Variants in TACO1 observed in about 807,000 individuals in gnomAD.
TACO1 encodes the protein translational activator of cytochrome c oxidase I.
In TACO1, 13 loss-of-function variants were observed where a neutral mutation model predicts 24.0. The ratio of observed to expected loss-of-function variants is 0.54; its 90% confidence interval spans 0.35 to 0.86. TACO1 has a LOEUF of 0.86. Ranked by LOEUF, TACO1 falls within the 40% of genes least tolerant of loss-of-function variation. The pLI is 0.01. For missense variants in TACO1, 352 were observed against 380.1 expected, an observed-to-expected ratio of 0.93 and a Z score of 0.61; for synonymous variants, 149 against 153.5, an observed-to-expected ratio of 0.97 and a Z score of 0.22.
chr17:63,602,164 G>A (rs1200555805), intron 1 of TACO1, among the ~76,000 whole-genome samples: 5 of 148,116 alleles, frequency 3.4e-5, no homozygotes, highest in Admixed American at 6.8e-5. Context: ...GGAGGCTGAA[G>A]CAGGAGAATT....
chr17:63,602,262 C>CAA (rs897099348), intron 1 of TACO1, among the ~76,000 whole-genome samples: 1,570 of 60,192 alleles, frequency 0.026, 23 homozygotes, highest in Non-Finnish European at 0.039. Context: ...GACTCCATCT[C>CAA]AAAAAAAAAA....
At chr17:63,602,276 A>G (rs994104584) in intron 1 of TACO1, among the ~76,000 whole-genome samples, 2 of 150,648 alleles carry the variant, frequency 1.3e-5, no homozygotes, top group African/African-American at 2.5e-5. Flanking sequence ...AAAAAAAAAA[A>G]AAAAAGAGAG....
rs778607659 is a variant in TACO1 at position 63,608,027 on chromosome 17, C to T, written c.*25C>T. On this transcript the variant is annotated 3_prime_UTR_variant, in exon 5 of 5. Coordinates refer to ENST00000258975, the MANE Select transcript of TACO1 (RefSeq NM_016360.4). Reference sequence around the variant, plus strand: ...ACCAGGCTACATGTGCCCCCGGGTTCCTTCCTAGAAATGTGGCAGCCCATT... The same window carrying T: ...ACCAGGCTACATGTGCCCCCGGGTTTCTTCCTAGAAATGTGGCAGCCCATT... 6.2e-7 allele frequency: 1 copy of T among 1,612,604 alleles called. No homozygotes were observed. The highest frequency in any genetic ancestry group is 1.1e-5 in the South Asian group (1 of 91,002).
At chr17:63,602,278 AAAAG>A (rs2033828146) in intron 1 of TACO1, among the ~76,000 whole-genome samples, 2 of 150,672 alleles carry the variant, frequency 1.3e-5, no homozygotes, top group Non-Finnish European at 2.9e-5. Flanking sequence ...AAAAAAAAAA[AAAAG>A]AGAGAGAAAC....
intron 1 of TACO1, among the ~76,000 whole-genome samples, chr17:63,603,689 A>T (rs1361604347): frequency 6.7e-6 from 1 of 149,576 alleles, no homozygotes; most frequent in Non-Finnish European, 1.5e-5. Context: ...GCACTCCAGC[A>T]TGGATGACAG....
In TACO1 at chr17:63,608,027, C is replaced by G; in HGVS notation, c.*25C>G. On this transcript the variant is annotated 3_prime_UTR_variant, in exon 5 of 5. Coordinates refer to ENST00000258975, the MANE Select transcript of TACO1 (RefSeq NM_016360.4). ...ACCAGGCTACATGTGCCCCCGGGTT[C>G]CTTCCTAGAAATGTGGCAGCCCATT... 6.2e-7 allele frequency: 1 copy of G among 1,612,604 alleles called. No individual in the cohort carries two copies. Among genetic ancestry groups the G allele is most frequent in the Non-Finnish European group, 8.5e-7 (1 of 1,179,300 alleles).
In TACO1 at chr17:63,601,350, C is replaced by T; in HGVS notation, c.267C>T (p.Arg89=). 1 of 1,612,818 alleles carries T rather than the reference C, an allele frequency of 6.2e-7. No homozygotes were observed. Among genetic ancestry groups the T allele is most frequent in the Non-Finnish European group, 8.5e-7 (1 of 1,179,978 alleles). ...TCTCCAAACTCTGTTTGAACATCCGCCTGGCAGTGAAAGGTGAGACCCTGA... is the reference window on the plus strand; with the variant it reads ...TCTCCAAACTCTGTTTGAACATCCGTCTGGCAGTGAAAGGTGAGACCCTGA... ...RIFSKLCLNI[R]LAVKEGGPNP... The change falls in exon 1 of 5, where the codon CGC becomes CGT. Residue 89 remains arginine (R), a synonymous_variant. Coordinates refer to ENST00000258975, the MANE Select transcript of TACO1 (RefSeq NM_016360.4).
intron 3 of TACO1, 162 bp downstream of exon 3, chr17:63,606,602 A>T (rs1332697461): frequency 1.2e-6 from 1 of 832,048 alleles, no homozygotes; most frequent in Non-Finnish European, 1.9e-6. Context: ...CTGGAGTGCA[A>T]TGGCATGATC....
intron 1 of TACO1, 148 bp downstream of exon 1, chr17:63,601,511 A>T: frequency 1.1e-6 from 1 of 894,208 alleles, no homozygotes; most frequent in South Asian, 1.5e-5. Context: ...CACCTCATAA[A>T]TCCTCAAAAC....
chr17:63,601,297 C>T lies in TACO1; in HGVS notation c.214C>T (p.Pro72Ser). ...GTCCAAAGTCAGGCACATCAAGGGT[C>T]CGAAGGACGTCGAAAGGAGTCGCAT... ...KWSKVRHIKG[P>S]KDVERSRIFS... Residue 72 changes from proline to serine, a missense_variant, in exon 1 of 5, where the codon CCG becomes TCG. By Grantham distance (74) the Pro-to-Ser change is moderately conservative. Transcript: ENST00000258975. 3 of 1,613,014 alleles carry T rather than the reference C, an allele frequency of 1.9e-6. No individual in the cohort carries two copies. Among genetic ancestry groups the T allele is most frequent in the South Asian group, 1.1e-5 (1 of 90,998 alleles).
intron 1 of TACO1, among the ~76,000 whole-genome samples, chr17:63,602,210 G>T (rs1413868013): frequency 6.9e-6 from 1 of 144,804 alleles, no homozygotes; most frequent in East Asian, 2.1e-4. Flanking sequence ...CAGTAAGCGA[G>T]ATTGCTCTAC....
Position 63,608,081 on chromosome 17 carries a change from T to G in TACO1, c.*79T>G, listed in dbSNP as rs1242217138. 6.5e-7 allele frequency: 1 copy of G among 1,529,054 alleles called. No individual in the cohort carries two copies. The highest frequency in any genetic ancestry group is 9.0e-7 in the Non-Finnish European group (1 of 1,114,316). The allele number at this position is 1,529,054 out of a possible 1,614,324, so 94.7% of individuals were successfully genotyped here. A position where few individuals can be genotyped will look rare whatever the true frequency, so the allele number is the denominator to read the frequency against. ...GCACACAGGCTTCTGCAGCAATCTC[T>G]GAGGGTAAAGCCGGTGGGAGGCTCA... On this transcript the variant is annotated 3_prime_UTR_variant, in exon 5 of 5. Coordinates refer to ENST00000258975, the MANE Select transcript of TACO1 (RefSeq NM_016360.4).
chr17:63,604,084 T>A (rs922422169), intron 1 of TACO1, among the ~76,000 whole-genome samples: 1 of 151,656 alleles, frequency 6.6e-6, no homozygotes, highest in African/African-American at 2.4e-5. Context: ...ACACTTGTAA[T>A]CCCAGCACTT....
Position 63,607,309 on chromosome 17 carries a change from C to T in TACO1, c.538C>T (p.Arg180Cys), listed in dbSNP as rs146609062. The T allele has an allele frequency of 6.1e-5, 99 of 1,613,864 alleles. No homozygotes were observed. In the Admixed American group the frequency reaches 1.3e-3, roughly 21 times the overall value. Residue 180 changes from arginine (R) to cysteine (C), a missense_variant, in exon 4 of 5, where the codon CGT becomes TGT. Arg to Cys is a radical substitution (Grantham distance 180). Transcript: ENST00000258975. ...CAGAGGAGTGATGGCTGTAGGAGCT[C>T]GTCACTCTTTTGACAAAAAGGGGGT... ...KNGGVMAVGA[R>C]HSFDKKGVIV...
rs1474176273 is a variant in TACO1 at position 63,608,225 on chromosome 17, C to G, written c.*223C>G. ...AGCCATCTGGATGAGTGTCCCGACA[C>G]CCTCTCGGATGCAGGGCAGGACCAC... is the stretch of plus-strand genomic sequence containing the variant. On this transcript the variant is annotated 3_prime_UTR_variant, in exon 5 of 5. Coordinates refer to ENST00000258975, the MANE Select transcript of TACO1 (RefSeq NM_016360.4). 5.0e-6 allele frequency: 3 copies of G among 604,930 alleles called. No individual in the cohort carries two copies. The highest frequency in any genetic ancestry group is 8.9e-6 in the Non-Finnish European group (3 of 336,064). 37.5% of individuals were successfully genotyped at this position (604,930 alleles called of 1,614,324 possible).
At chr17:63,601,924 A>G in intron 1 of TACO1, among the ~76,000 whole-genome samples, 1 of 151,998 alleles carries the variant, frequency 6.6e-6, no homozygotes, top group East Asian at 1.9e-4. Flanking sequence ...GTTTAGGGCC[A>G]GACATCTGTA....
rs1324221674 is a variant in TACO1, at chr17:63,607,424, T to C, written c.653T>C (p.Val218Ala). The part of the protein sequence containing the change: ...EMAIEAGAED[V>A]KETEDEEERN... ...GCAATCGAAGCAGGAGCTGAGGATG[T>C]CAAGGAAACTGAAGATGAAGAAGAA... Residue 218 changes from valine to alanine, a missense_variant, in exon 4 of 5, where the codon GTC becomes GCC. Coordinates refer to ENST00000258975, the MANE Select transcript of TACO1 (RefSeq NM_016360.4). The C allele has an allele frequency of 1.9e-6, 3 of 1,614,188 alleles. No homozygotes were observed. The highest frequency in any genetic ancestry group is 2.7e-5 in the African/African-American group (2 of 75,030).
rs113860822 is a variant in TACO1 at position 63,605,172 on chromosome 17, G to A, written c.387+532G>A. The stretch of plus-strand genomic sequence containing the variant: ...TATGCAGGGCCATACAGTCAAGACC[G>A]GGACTGCTCAGCCAAGTTGTAGGGA... On this transcript the variant is annotated intron_variant, in intron 2 of 4. Coordinates refer to ENST00000258975, the MANE Select transcript of TACO1 (RefSeq NM_016360.4). 3.5e-3 allele frequency among the ~76,000 whole-genome samples: 532 copies of A among 152,228 alleles called. 5 individuals carry two copies. Among genetic ancestry groups the A allele is most frequent in the African/African-American group, 0.012 (486 of 41,526 alleles).
chr17:63,604,442 T>G (rs2033846941), intron 1 of TACO1, 92 bp from the exon 2 acceptor site: 1 of 1,092,920 alleles, frequency 9.1e-7, no homozygotes. Context: ...GCCACTCCTT[T>G]GGCTTGGTGG....
Sources: gnomAD v4.1 joint callset for allele counts (sites outside exome capture counted in the v4.1 genomes callset) on GRCh38, gnomAD v4.1.1 for gene constraint, MANE v1.5 for transcripts, NCBI Gene and HGNC (gene_info 2026-07-23, HGNC 2026-07-21) for gene names.